Variants in CFAP47 observed in about 807,000 individuals in gnomAD.
CFAP47 encodes the protein cilia- and flagella-associated protein 47.
A neutral mutation model predicts 148.1 loss-of-function variants in CFAP47; 29 were observed. That is an observed-to-expected ratio of 0.20 (90% CI 0.15 to 0.27). The LOEUF (loss-of-function observed/expected upper bound fraction) is 0.27, where lower values mean the gene tolerates loss of function less well. CFAP47 is among the 10% of genes least tolerant of loss of function. CFAP47 has a pLI of 1.00. For missense variants in CFAP47, 1,872 were observed against 1,697.5 expected (o/e 1.10, Z -1.81); for synonymous variants, 664 against 577.3 (o/e 1.15, Z -2.15).
At chrX:36,336,270 C>G (rs1345483646) in intron 57 of CFAP47, among the ~76,000 whole-genome samples, 2 of 106,304 alleles carry the variant, frequency 1.9e-5, no homozygotes, top group African/African-American at 3.4e-5. Context: ...CACACACACA[C>G]ACACACACAC....
At chrX:36,369,964 A>T (rs1602131326) in intron 62 of CFAP47, among the ~76,000 whole-genome samples, 1 of 111,738 alleles carries the variant, frequency 8.9e-6, no homozygotes, top group East Asian at 2.8e-4. Context: ...AGCTTCTTCT[A>T]AGTCAAAAAA....
At chrX:36,180,485 T>A (rs1257205547) in intron 40 of CFAP47, among the ~76,000 whole-genome samples, 1 of 112,286 alleles carries the variant, frequency 8.9e-6, no homozygotes, top group Non-Finnish European at 1.9e-5. Context: ...AATATCATCC[T>A]TTTAGATCCA....
intron 51 of CFAP47, among the ~76,000 whole-genome samples, chrX:36,293,176 A>G (rs1941209162): frequency 9.0e-6 from 1 of 111,648 alleles, no homozygotes; most frequent in African/African-American, 3.3e-5. Flanking sequence ...TAACTGAAAT[A>G]GGATGTTTCC....
intron 1 of CFAP47, among the ~76,000 whole-genome samples, chrX:35,923,867 ATATATGTATATATG>A (rs1935620721): frequency 1.0e-5 from 1 of 100,452 alleles, no homozygotes; most frequent in African/African-American, 3.9e-5. Flanking sequence ...ATATATGTAC[ATATATGTATATATG>A]TACATATATA....
At chrX:36,176,353 T>C (rs1939681242) in intron 39 of CFAP47, among the ~76,000 whole-genome samples, 1 of 112,405 alleles carries the variant, frequency 8.9e-6, no homozygotes. Context: ...ATGCTGTAAT[T>C]CTCTGCCTTT....
At chrX:36,144,849 A>G (rs1430474322) in intron 35 of CFAP47, 1 of 1,007,624 alleles carries the variant, frequency 9.9e-7, no homozygotes, top group South Asian at 2.0e-5. Flanking sequence ...GACTTGCACC[A>G]GCAGCCTCCT....
At chrX:36,329,143 T>C (rs1444345628) in intron 57 of CFAP47, among the ~76,000 whole-genome samples, 1 of 111,727 alleles carries the variant, frequency 9.0e-6, no homozygotes, top group Non-Finnish European at 1.9e-5. Context: ...AAAATACTAA[T>C]ATTACAGTGA....
intron 33 of CFAP47, among the ~76,000 whole-genome samples, chrX:36,106,491 C>A (rs770355802): frequency 8.9e-6 from 1 of 111,873 alleles, no homozygotes; most frequent in South Asian, 3.7e-4. Flanking sequence ...AAGGTACTGG[C>A]AGGTTCTATG....
chrX:35,937,104 G>GTTTTTTTT (rs377601530), intron 2 of CFAP47, among the ~76,000 whole-genome samples: 8 of 55,541 alleles, frequency 1.4e-4, no homozygotes, highest in East Asian at 5.8e-4. Flanking sequence ...TGCAATTGCT[G>GTTTTTTTT]TTTTTTTTTT....
At chrX:36,290,363 G>A in intron 51 of CFAP47, among the ~76,000 whole-genome samples, 1 of 112,220 alleles carries the variant, frequency 8.9e-6, no homozygotes, top group Middle Eastern at 4.6e-3. Context: ...TAGATACGAT[G>A]TTAACCAGTG....
chrX:36,179,771 A>C (rs1939729115), intron 40 of CFAP47, among the ~76,000 whole-genome samples: 1 of 111,271 alleles, frequency 9.0e-6, no homozygotes, highest in African/African-American at 3.3e-5. Flanking sequence ...ATAACCTGTC[A>C]TGGAAGACTC....
chrX:35,990,040 T>C (rs1344213496), intron 16 of CFAP47: 1 of 111,913 alleles, frequency 8.9e-6, no homozygotes, highest in Admixed American at 9.5e-5. Context: ...TATGTGTAAA[T>C]TAGTTTTATT....
chrX:35,949,907 A>G (rs1210804584), intron 4 of CFAP47, among the ~76,000 whole-genome samples: 1 of 112,045 alleles, frequency 8.9e-6, no homozygotes, highest in Non-Finnish European at 1.9e-5. Flanking sequence ...TATTAGGAAT[A>G]CTCAGCCTGT....
At chrX:36,377,476 A>AT (rs1410262104) in intron 62 of CFAP47, among the ~76,000 whole-genome samples, 6 of 111,190 alleles carry the variant, frequency 5.4e-5, no homozygotes, top group Non-Finnish European at 9.4e-5. Flanking sequence ...GGGTTATTTG[A>AT]TTTTTTCTTG....
intron 35 of CFAP47, among the ~76,000 whole-genome samples, chrX:36,143,003 G>C (rs1231322267): frequency 9.0e-6 from 1 of 111,720 alleles, no homozygotes; most frequent in African/African-American, 3.3e-5. Flanking sequence ...AAAAGTGGAT[G>C]TGACAATTAA....
intron 49 of CFAP47, among the ~76,000 whole-genome samples, chrX:36,266,942 CA>C (rs1243366858): frequency 9.0e-6 from 1 of 110,945 alleles, no homozygotes; most frequent in Non-Finnish European, 1.9e-5. Context: ...GCCCTCTCTT[CA>C]ACCTCTCTCA....
chrX:36,340,303 G>T (rs782388029), intron 57 of CFAP47, among the ~76,000 whole-genome samples: 1 of 111,536 alleles, frequency 9.0e-6, no homozygotes, highest in South Asian at 3.8e-4. Flanking sequence ...TCTCTGTAAG[G>T]AAATTTAATG....
intron 49 of CFAP47, among the ~76,000 whole-genome samples, chrX:36,277,564 A>C (rs1440736014): frequency 8.9e-6 from 1 of 112,558 alleles, no homozygotes; most frequent in African/African-American, 3.2e-5. Flanking sequence ...AATAAACACA[A>C]ACATATACAT....
chrX:36,374,376 C>G (rs938870645), intron 62 of CFAP47, among the ~76,000 whole-genome samples: 43 of 110,816 alleles, frequency 3.9e-4, no homozygotes, highest in African/African-American at 1.3e-3. Flanking sequence ...TCTGAGAAAT[C>G]AATTGAAATG....
Sources: gnomAD v4.1 joint callset for allele counts (sites outside exome capture counted in the v4.1 genomes callset) on GRCh38, gnomAD v4.1.1 for gene constraint, MANE v1.5 for transcripts, NCBI Gene and HGNC (gene_info 2026-07-23, HGNC 2026-07-21) for gene names.